Variants in RBFOX1 observed in about 807,000 individuals in gnomAD.
RBFOX1 encodes RNA binding fox-1 homolog 1, also known as RNA binding protein fox-1 homolog 1.
RBFOX1 carries 8 observed loss-of-function variants against 57.7 expected under a neutral mutation model. The observed-to-expected ratio is 0.14, with a 90% confidence interval of 0.08 to 0.25. RBFOX1 has a LOEUF of 0.25. RBFOX1 is among the 10% of genes least tolerant of loss of function. The probability of loss-of-function intolerance (pLI) is 1.00; values close to 1 mark genes in which losing one functional copy is unlikely to be tolerated. For missense variants in RBFOX1, 611 were observed against 548.5 expected, an observed-to-expected ratio of 1.11 and a Z score of -1.14; for synonymous variants, 326 against 222.4, an observed-to-expected ratio of 1.47 and a Z score of -4.15.
chr16:6,867,443 G>T (rs72768880), intron 3 of RBFOX1, among the ~76,000 whole-genome samples: 31,298 of 151,830 alleles, frequency 0.21, 4,060 homozygotes, highest in Admixed American at 0.35. Context: ...AGGGGGCCGG[G>T]TGTGGGGGCT....
chr16:5,928,522 A>G (rs755415925), intron 4 of RBFOX1, among the ~76,000 whole-genome samples: 1 of 152,132 alleles, frequency 6.6e-6, no homozygotes, highest in Non-Finnish European at 1.5e-5. Flanking sequence ...AAACATATAC[A>G]ATTATTATTT....
At chr16:7,014,831 TCTC>T (rs1434727799) in intron 3 of RBFOX1, among the ~76,000 whole-genome samples, 1 of 152,098 alleles carries the variant, frequency 6.6e-6, no homozygotes, top group African/African-American at 2.4e-5. Flanking sequence ...TTCAAGCACT[TCTC>T]CTGCATTAGC....
At chr16:5,432,537 G>GTTTTTTTTTTTTTTTTTT (rs796803782) in intron 1 of RBFOX1, among the ~76,000 whole-genome samples, 1 of 109,506 alleles carries the variant, frequency 9.1e-6, no homozygotes, top group African/African-American at 3.3e-5. Context: ...CAACTGGGGA[G>GTTTTTTTTTTTTTTTTTT]TTTTTTTTTT....
At chr16:6,874,842 C>T (rs987053995) in intron 3 of RBFOX1, among the ~76,000 whole-genome samples, 1 of 152,102 alleles carries the variant, frequency 6.6e-6, no homozygotes, top group Non-Finnish European at 1.5e-5. Context: ...GCATCAAAAT[C>T]TCAGAAATGA....
At chr16:7,710,464 G>A (rs1442442652) in intron 15 of RBFOX1, 159 bp from the exon 16 acceptor site, 4 of 1,490,754 alleles carry the variant, frequency 2.7e-6, no homozygotes, top group East Asian at 2.5e-5. Flanking sequence ...GTCAGGAATG[G>A]CCCTATCTTT....
intron 3 of RBFOX1, among the ~76,000 whole-genome samples, chr16:6,974,023 T>C (rs536536641): frequency 2.4e-4 from 37 of 152,294 alleles, no homozygotes; most frequent in Non-Finnish European, 2.8e-4. Context: ...TAAGAACATA[T>C]AGTATTTGGT....
At chr16:7,280,511 G>A (rs2095520360) in intron 4 of RBFOX1, among the ~76,000 whole-genome samples, 1 of 152,156 alleles carries the variant, frequency 6.6e-6, no homozygotes, top group South Asian at 2.1e-4. Flanking sequence ...TAGGTCCTGT[G>A]ACAGGGAGTC....
At chr16:7,041,282 G>T (rs1001761101) in intron 3 of RBFOX1, among the ~76,000 whole-genome samples, 1 of 151,866 alleles carries the variant, frequency 6.6e-6, no homozygotes, top group Non-Finnish European at 1.5e-5. Flanking sequence ...TTGTTTACAC[G>T]TTGTCAGTGG....
chr16:5,885,891 C>G (rs976192205), intron 4 of RBFOX1, among the ~76,000 whole-genome samples: 2 of 152,150 alleles, frequency 1.3e-5, no homozygotes, highest in African/African-American at 4.8e-5. Flanking sequence ...CCACCCAAAT[C>G]TCGTGTTGAA....
chr16:7,081,775 G>A (rs552590417), intron 4 of RBFOX1, among the ~76,000 whole-genome samples: 1 of 152,178 alleles, frequency 6.6e-6, no homozygotes, highest in Non-Finnish European at 1.5e-5. Flanking sequence ...TAACATGGAT[G>A]ATTTGAACAC....
At chr16:7,501,778 C>G (rs185533889) in intron 4 of RBFOX1, among the ~76,000 whole-genome samples, 1 of 152,192 alleles carries the variant, frequency 6.6e-6, no homozygotes, top group African/African-American at 2.4e-5. Flanking sequence ...AAAACCTTAC[C>G]TGATAAATCA....
chr16:6,911,469 C>A (rs546596976), intron 3 of RBFOX1, among the ~76,000 whole-genome samples: 2 of 152,128 alleles, frequency 1.3e-5, no homozygotes, highest in African/African-American at 4.8e-5. Flanking sequence ...TCAGTGTGAT[C>A]TCTGCCTTCA....
chr16:6,426,091 T>C (rs976611566), intron 2 of RBFOX1, among the ~76,000 whole-genome samples: 2 of 141,506 alleles, frequency 1.4e-5, no homozygotes, highest in African/African-American at 6.3e-5. Flanking sequence ...TCTCCCTCTC[T>C]CTCTCTCTCT....
chr16:7,189,203 A>G (rs919759509), intron 4 of RBFOX1, among the ~76,000 whole-genome samples: 2 of 151,966 alleles, frequency 1.3e-5, no homozygotes, highest in Admixed American at 1.3e-4. Context: ...ACGTAGGTAG[A>G]TCATGAGGTC....
intron 3 of RBFOX1, among the ~76,000 whole-genome samples, chr16:5,609,920 C>T (rs941774830): frequency 6.6e-6 from 1 of 152,168 alleles, no homozygotes; most frequent in Non-Finnish European, 1.5e-5. Context: ...AATTTGTACT[C>T]TTACCCTCTT....
intron 4 of RBFOX1, among the ~76,000 whole-genome samples, chr16:7,327,192 C>G (rs1271839436): frequency 6.6e-6 from 1 of 151,998 alleles, no homozygotes; most frequent in African/African-American, 2.4e-5. Flanking sequence ...CAAGATTGAT[C>G]TAAAAGGAAG....
At chr16:5,440,288 T>C (rs2068045433) in intron 1 of RBFOX1, among the ~76,000 whole-genome samples, 1 of 152,186 alleles carries the variant, frequency 6.6e-6, no homozygotes, top group Admixed American at 6.5e-5. Flanking sequence ...TCCAATTATA[T>C]ATTCACATCC....
At chr16:7,141,251 C>A (rs960229869) in intron 4 of RBFOX1, among the ~76,000 whole-genome samples, 1 of 152,104 alleles carries the variant, frequency 6.6e-6, no homozygotes, top group Non-Finnish European at 1.5e-5. Context: ...TCCTGCCCTT[C>A]AAGGAGTTAA....
intron 2 of RBFOX1, among the ~76,000 whole-genome samples, chr16:5,588,261 G>A (rs946838351): frequency 1.3e-5 from 2 of 152,066 alleles, no homozygotes; most frequent in African/African-American, 2.4e-5. Context: ...TGATGAAAAC[G>A]TTGTAAAAAT....
Sources: gnomAD v4.1 joint callset for allele counts (sites outside exome capture counted in the v4.1 genomes callset) on GRCh38, gnomAD v4.1.1 for gene constraint, MANE v1.5 for transcripts, NCBI Gene and HGNC (gene_info 2026-07-23, HGNC 2026-07-21) for gene names.